TTC39C: variants seen among roughly 807,000 people sequenced by gnomAD.
TTC39C encodes the protein tetratricopeptide repeat protein 39C.
In TTC39C, 33 loss-of-function variants were observed where a neutral mutation model predicts 76.3. The observed-to-expected ratio is 0.43, with a 90% CI of 0.33 to 0.58. The LOEUF (loss-of-function observed/expected upper bound fraction) is 0.58. TTC39C is among the 20% of genes least tolerant of loss of function. TTC39C has a pLI of 0.04. For missense variants in TTC39C, 595 were observed against 701.4 expected (o/e 0.85, Z 1.71); for synonymous variants, 254 against 260.6 (o/e 0.97, Z 0.24).
At chr18:24,025,629 A>G in intron 1 of TTC39C, among the ~76,000 whole-genome samples, 1 of 152,222 alleles carries the variant, frequency 6.6e-6, no homozygotes, top group Non-Finnish European at 1.5e-5. Flanking sequence ...GGATGATCTC[A>G]TACATTGCAG....
At chr18:24,012,879 ACACACACG>A (rs1345499269), upstream of TTC39C, 359 of 152,642 alleles carry the variant, frequency 2.4e-3, 4 homozygotes, top group Middle Eastern at 9.9e-3. Flanking sequence ...ACACACACAC[ACACACACG>A]CATAAATTTA....
At chr18:24,024,000 A>T (rs1373805425) in intron 1 of TTC39C, among the ~76,000 whole-genome samples, 191 of 3,884 alleles carry the variant, frequency 0.049, 24 homozygotes, top group South Asian at 0.12. Context: ...ATATATATAT[A>T]TATATATATA....
chr18:24,000,164 C>T (rs1209089846), intron 1 of TTC39C, among the ~76,000 whole-genome samples: 1 of 152,166 alleles, frequency 6.6e-6, no homozygotes, highest in Non-Finnish European at 1.5e-5. Flanking sequence ...CAACTGCTCC[C>T]CCCAACCCCC....
intron 1 of TTC39C, among the ~76,000 whole-genome samples, chr18:24,048,991 G>C (rs185951776): frequency 6.6e-6 from 1 of 152,278 alleles, no homozygotes; most frequent in East Asian, 1.9e-4. Flanking sequence ...AGACGCGTTG[G>C]CCAACTCAAG....
At chr18:24,129,356 C>G (rs1316677609) in intron 11 of TTC39C, among the ~76,000 whole-genome samples, 1 of 152,200 alleles carries the variant, frequency 6.6e-6, no homozygotes, top group African/African-American at 2.4e-5. Flanking sequence ...ATTCAGTTTT[C>G]TCTCTTTATA....
chr18:24,017,680 A>C (rs1345997863), intron 1 of TTC39C, among the ~76,000 whole-genome samples: 2 of 152,220 alleles, frequency 1.3e-5, no homozygotes. Flanking sequence ...GGCCTGCTGA[A>C]GGCTCAGCAG....
chr18:24,082,814 G>A, intron 5 of TTC39C, 99 bp from the exon 6 acceptor site: 2 of 1,230,866 alleles, frequency 1.6e-6, no homozygotes, highest in East Asian at 2.5e-5. Context: ...AAGCTTTTTG[G>A]ATAGAGTAGT....
At chr18:24,085,769 TC>T (rs2084430986) in intron 6 of TTC39C, among the ~76,000 whole-genome samples, 1 of 152,198 alleles carries the variant, frequency 6.6e-6, no homozygotes, top group South Asian at 2.1e-4. Context: ...ACACACAAGA[TC>T]TGTGACTACG....
At chr18:24,009,630 GCA>G (rs1422091509) in intron 1 of TTC39C, among the ~76,000 whole-genome samples, 2 of 152,220 alleles carry the variant, frequency 1.3e-5, no homozygotes, top group Non-Finnish European at 2.9e-5. Flanking sequence ...CAGAAGACCT[GCA>G]GTCACACTCA....
At chr18:24,015,676 G>C (rs949977735) in intron 1 of TTC39C, among the ~76,000 whole-genome samples, 15 of 152,146 alleles carry the variant, frequency 9.9e-5, no homozygotes, top group African/African-American at 3.6e-4. Context: ...CTTTCAAGCA[G>C]GCGTTATTTA....
intron 1 of TTC39C, among the ~76,000 whole-genome samples, chr18:24,037,291 A>G (rs1337688981): frequency 6.6e-6 from 1 of 152,176 alleles, no homozygotes; most frequent in Non-Finnish European, 1.5e-5. Flanking sequence ...GTATTGTGTA[A>G]AGTGAGTACT....
At chr18:24,042,166 A>G (rs2083801859) in intron 1 of TTC39C, among the ~76,000 whole-genome samples, 1 of 152,216 alleles carries the variant, frequency 6.6e-6, no homozygotes, top group South Asian at 2.1e-4. Flanking sequence ...TTATATAAAT[A>G]TATGATATAC....
rs2085167848 is a variant in TTC39C at position 24,134,205 on chromosome 18, A to C, written c.*1631A>C. The C allele has an allele frequency of 6.6e-6, 1 of 152,058 alleles. No homozygotes were observed. The highest frequency in any genetic ancestry group is 2.0e-4 in the East Asian group (1 of 5,078). 9.4% of individuals were successfully genotyped at this position (152,058 alleles called of 1,614,324 possible). ...GCTCTCCTATATTCAGTGAATGAGA[A>C]GGGAACTTTTTTCTGAAGAGCAAAA... On this transcript the variant is annotated 3_prime_UTR_variant, in exon 14 of 14. Transcript: ENST00000317571.
At chr18:24,116,919 C>T (rs1210806527) in intron 7 of TTC39C, among the ~76,000 whole-genome samples, 1 of 151,014 alleles carries the variant, frequency 6.6e-6, no homozygotes, top group African/African-American at 2.4e-5. Context: ...CAGACCTCCC[C>T]GGCTCAGGTG....
chr18:24,025,581 A>C (rs960710937), intron 1 of TTC39C, among the ~76,000 whole-genome samples: 1 of 152,222 alleles, frequency 6.6e-6, no homozygotes, highest in African/African-American at 2.4e-5. Flanking sequence ...ACTTCCAGAA[A>C]ATGTTCAAAA....
At chr18:24,117,410 A>C (rs2084907993) in intron 7 of TTC39C, among the ~76,000 whole-genome samples, 1 of 152,130 alleles carries the variant, frequency 6.6e-6, no homozygotes, top group South Asian at 2.1e-4. Flanking sequence ...TAAAGTTTTG[A>C]GAATGAGTGG....
At chr18:24,017,600 GTAT>G (rs1438806239) in intron 1 of TTC39C, among the ~76,000 whole-genome samples, 1 of 152,148 alleles carries the variant, frequency 6.6e-6, no homozygotes, top group East Asian at 1.9e-4. Flanking sequence ...TTCATCTTAC[GTAT>G]TACGTATGAA....
chr18:24,105,632 CACTT>C (rs1237939891), intron 6 of TTC39C, among the ~76,000 whole-genome samples: 3 of 152,204 alleles, frequency 2.0e-5, no homozygotes, highest in Non-Finnish European at 2.9e-5. Context: ...TGACTTGCCT[CACTT>C]GAGTCAGGTG....
chr18:24,013,969 T>C (rs918713593), upstream of TTC39C, among the ~76,000 whole-genome samples: 5 of 152,268 alleles, frequency 3.3e-5, no homozygotes, highest in African/African-American at 9.6e-5. Flanking sequence ...TTTTAAATAT[T>C]TGGGCACATG....
Sources: allele counts gnomAD v4.1 joint callset (sites outside exome capture counted in the v4.1 genomes callset), GRCh38; gene constraint gnomAD v4.1.1; transcripts MANE v1.5; gene names NCBI Gene and HGNC (gene_info 2026-07-23, HGNC 2026-07-21).